Variants in FRMPD1 observed in about 807,000 individuals in gnomAD.
The protein encoded by FRMPD1 is FERM and PDZ domain-containing protein 1.
A neutral mutation model predicts 117.8 loss-of-function variants in FRMPD1; 76 were observed. The observed-to-expected ratio is 0.65, with a 90% confidence interval of 0.54 to 0.78. The LOEUF (loss-of-function observed/expected upper bound fraction) is 0.78. FRMPD1 is among the 30% of genes least tolerant of loss of function. FRMPD1 has a pLI of 0.00. For synonymous variants in FRMPD1, 783 were observed against 770.4 expected (o/e 1.02, Z -0.27); for missense variants, 1,786 against 1,964.5 (o/e 0.91, Z 1.72).
chr9:37,683,629 A>G (rs1821807935), intron 1 of FRMPD1, among the ~76,000 whole-genome samples: 1 of 152,246 alleles, frequency 6.6e-6, no homozygotes, highest in Non-Finnish European at 1.5e-5. Context: ...TTTGGGGGGA[A>G]CAACAGGTAA....
intron 1 of FRMPD1, among the ~76,000 whole-genome samples, chr9:37,651,338 C>T (rs1372748732): frequency 6.6e-6 from 1 of 152,200 alleles, no homozygotes; most frequent in Non-Finnish European, 1.5e-5. Context: ...CCGAGATCTG[C>T]ATGGTGTAGT....
chr9:37,746,136 A>C lies in FRMPD1; in HGVS notation c.4104A>C (p.Ser1368=), dbSNP rs1228863781. 3 of 1,613,608 alleles carry C rather than the reference A, an allele frequency of 1.9e-6. No individual in the cohort carries two copies. The highest frequency in any genetic ancestry group is 2.5e-6 in the Non-Finnish European group (3 of 1,179,954). Residue 1368 remains serine (S), a synonymous_variant, in exon 16 of 16, where the codon TCA becomes TCC. Transcript: ENST00000377765. ...LEAHPMAPLT[S]PPSAGSPVVL... is the part of the protein sequence containing the mutation. The stretch of plus-strand genomic sequence containing the variant: ...CACACCCCATGGCCCCCCTCACCTC[A>C]CCGCCCTCTGCGGGAAGCCCGGTGG...
Position 37,745,295 on chromosome 9 carries a change from G to C in FRMPD1, c.3263G>C (p.Gly1088Ala), listed in dbSNP as rs1824643439. The C allele has an allele frequency of 6.2e-7, 1 of 1,611,860 alleles. No individual in the cohort carries two copies. Among genetic ancestry groups the C allele is most frequent in the South Asian group, 1.1e-5 (1 of 91,038 alleles). ...PRDEPRSDEC[G>A]INPGEKIASI... The stretch of plus-strand genomic sequence containing the variant: ...GATGAGCCTAGAAGTGATGAATGTG[G>C]AATAAATCCAGGAGAGAAGATAGCT... The change falls in exon 16 of 16, where the codon GGA becomes GCA. Residue 1088 changes from glycine (G) to alanine (A), a missense_variant. By Grantham distance (60) the Gly-to-Ala change is moderately conservative (BLOSUM62 0). Transcript: ENST00000377765.
Position 37,740,707 on chromosome 9 carries a change from G to A in FRMPD1, c.2179G>A (p.Ala727Thr), listed in dbSNP as rs1406984574. 1.9e-6 allele frequency: 3 copies of A among 1,614,134 alleles called. No individual in the cohort carries two copies. Among genetic ancestry groups the A allele is most frequent in the Non-Finnish European group, 2.5e-6 (3 of 1,180,004 alleles). Residue 727 changes from alanine to threonine, a missense_variant, in exon 15 of 16, where the codon GCT becomes ACT. Coordinates refer to ENST00000377765, the MANE Select transcript of FRMPD1 (RefSeq NM_014907.3). The surrounding 1 kb of genome is among the most constrained non-coding windows in gnomAD (Gnocchi z 4.2). ...SYLSDSSEST[A>T]SRQGGAPPAW... is the part of the protein sequence containing the mutation. ...CCTGAGTGACAGTTCCGAGAGTACA[G>A]CTTCCCGGCAAGGGGGAGCCCCGCC...
Position 37,674,680 on chromosome 9 carries a change from C to T in FRMPD1, c.-4-17958C>T, listed in dbSNP as rs183365290. 3.9e-5 allele frequency among the ~76,000 whole-genome samples: 6 copies of T among 152,200 alleles called. No individual in the cohort carries two copies. In the East Asian group the frequency reaches 5.8e-4, roughly 15 times the overall value. Reference sequence around the variant, plus strand: ...GAGGCCTCAGAATCACAGTGGGAGGCGAAAGGCACTTCTTACCTGGTGGCG... The same window carrying T: ...GAGGCCTCAGAATCACAGTGGGAGGTGAAAGGCACTTCTTACCTGGTGGCG... On this transcript the variant is annotated intron_variant, in intron 1 of 15. Coordinates refer to ENST00000377765, the MANE Select transcript of FRMPD1 (RefSeq NM_014907.3).
chr9:37,626,566 C>T, the FRMPD1 span, among the ~76,000 whole-genome samples: 3 of 134,286 alleles, frequency 2.2e-5, no homozygotes, highest in South Asian at 2.4e-4. Flanking sequence ...GCAGGCAGAT[C>T]GCTTGAGCTC....
At chr9:37,613,252 A>G in the FRMPD1 span, among the ~76,000 whole-genome samples, 9 of 152,220 alleles carry the variant, frequency 5.9e-5, no homozygotes, top group African/African-American at 2.2e-4. Context: ...CACTCAGTGA[A>G]TATATACTGA....
intron 1 of FRMPD1, among the ~76,000 whole-genome samples, chr9:37,679,860 A>T (rs955148513): frequency 6.6e-6 from 1 of 152,216 alleles, no homozygotes; most frequent in Admixed American, 6.5e-5. Context: ...CTGACTCAGC[A>T]GTGTCATTTG....
At chr9:37,607,901 A>G in the FRMPD1 span, among the ~76,000 whole-genome samples, 1 of 152,220 alleles carries the variant, frequency 6.6e-6, no homozygotes, top group East Asian at 1.9e-4. Flanking sequence ...CACTGAATAA[A>G]TTAATAGACG....
At chr9:37,702,719 T>C (rs750475028) in intron 2 of FRMPD1, among the ~76,000 whole-genome samples, 6 of 152,156 alleles carry the variant, frequency 3.9e-5, no homozygotes, top group Non-Finnish European at 5.9e-5. Flanking sequence ...TTTTGTTCTG[T>C]GGGTGGTGGG....
intron 1 of FRMPD1, among the ~76,000 whole-genome samples, chr9:37,682,330 C>T (rs1005620110): frequency 6.6e-6 from 1 of 152,162 alleles, no homozygotes; most frequent in African/African-American, 2.4e-5. Context: ...TCCCTCCTTC[C>T]CCAAATTGAT....
intron 7 of FRMPD1, among the ~76,000 whole-genome samples, chr9:37,725,047 A>C (rs1823562181): frequency 6.6e-6 from 1 of 152,064 alleles, no homozygotes; most frequent in Admixed American, 6.6e-5. Context: ...GGTACATATC[A>C]ATCAGAGAGT....
At chr9:37,713,636 C>CTA (rs1025443799) in intron 5 of FRMPD1, among the ~76,000 whole-genome samples, 11 of 150,394 alleles carry the variant, frequency 7.3e-5, no homozygotes, top group Admixed American at 1.3e-4. Flanking sequence ...ATAGAGAGAC[C>CTA]TATATATATA....
chr9:37,659,503 G>A (rs763360549), intron 1 of FRMPD1, among the ~76,000 whole-genome samples: 1 of 152,140 alleles, frequency 6.6e-6, no homozygotes, highest in Non-Finnish European at 1.5e-5. Context: ...TTTGTCAGTG[G>A]GAAGGAGAAG....
At chr9:37,637,335 G>T in the FRMPD1 span, 1 of 952,122 alleles carries the variant, frequency 1.1e-6, no homozygotes, top group South Asian at 1.3e-5. Context: ...AGTCGGCTCT[G>T]CTCCGCCTCC....
At chr9:37,633,273 T>G in the FRMPD1 span, among the ~76,000 whole-genome samples, 1 of 152,106 alleles carries the variant, frequency 6.6e-6, no homozygotes, top group Non-Finnish European at 1.5e-5. Flanking sequence ...ACTCTTGATC[T>G]CAAGTGATTC....
chr9:37,647,467 G>A (rs989108113), upstream of FRMPD1, among the ~76,000 whole-genome samples: 3 of 149,218 alleles, frequency 2.0e-5, no homozygotes, highest in Non-Finnish European at 3.0e-5. Flanking sequence ...AGCCGAGATC[G>A]CGCCACTGCA....
intron 1 of FRMPD1, among the ~76,000 whole-genome samples, chr9:37,675,805 A>C (rs1482644690): frequency 2.0e-5 from 3 of 152,172 alleles, no homozygotes; most frequent in African/African-American, 7.2e-5. Flanking sequence ...TTAGAAGAAG[A>C]GACTTGCTGA....
At chr9:37,667,617 G>A (rs1432125131) in intron 1 of FRMPD1, among the ~76,000 whole-genome samples, 1 of 151,328 alleles carries the variant, frequency 6.6e-6, no homozygotes, top group Non-Finnish European at 1.5e-5. Flanking sequence ...GGCGGAGGCA[G>A]AGGTTGCAAT....
Sources: gnomAD v4.1 joint callset for allele counts (sites outside exome capture counted in the v4.1 genomes callset) on GRCh38, gnomAD v4.1.1 for gene constraint, Gnocchi (gnomAD v3.1) non-coding constraint, MANE v1.5 for transcripts, NCBI Gene and HGNC (gene_info 2026-07-23, HGNC 2026-07-21) for gene names.